Variants in RGS5 observed in about 807,000 individuals in gnomAD.
RGS5 encodes regulator of G protein signaling 5.
In RGS5, 20 loss-of-function variants were observed where a neutral mutation model predicts 18.9. That is an observed-to-expected ratio of 1.06 (90% CI 0.74 to 1.54). The LOEUF is 1.54. RGS5 is among the 40% of genes most tolerant of loss of function. The probability of loss-of-function intolerance (pLI) is 0.00; values close to 1 mark genes in which losing one functional copy is unlikely to be tolerated. For synonymous variants in RGS5, 57 were observed against 76.2 expected (o/e 0.75, Z 1.31); for missense variants, 201 against 211.8 (o/e 0.95, Z 0.32).
chr1:163,165,916 C>CA (rs59941784), intron 2 of RGS5, among the ~76,000 whole-genome samples: 23 of 62,174 alleles, frequency 3.7e-4, no homozygotes, highest in Admixed American at 7.5e-4. Context: ...AAAAAAAAAA[C>CA]AAAAAAAAAA....
chr1:163,206,259 G>T (rs893165490), upstream of RGS5, among the ~76,000 whole-genome samples: 4 of 151,082 alleles, frequency 2.6e-5, no homozygotes, highest in Admixed American at 6.6e-5. Context: ...CAGCTTCCAG[G>T]GCTGTGAGAA....
intron 3 of RGS5, among the ~76,000 whole-genome samples, chr1:163,157,083 T>G (rs1657612436): frequency 6.6e-6 from 1 of 152,166 alleles, no homozygotes; most frequent in Non-Finnish European, 1.5e-5. Flanking sequence ...GGATTCAGGC[T>G]CCTTCATTTC....
At chr1:163,272,387 G>C (rs1648745238) in intron 2 of RGS5, among the ~76,000 whole-genome samples, 1 of 151,882 alleles carries the variant, frequency 6.6e-6, no homozygotes, top group Admixed American at 6.6e-5. Flanking sequence ...GGTATCCTTT[G>C]AGGCACAAAA....
At chr1:163,152,520 C>T in intron 4 of RGS5, 30 bp downstream of exon 4, 2 of 1,593,158 alleles carry the variant, frequency 1.3e-6, no homozygotes, top group Non-Finnish European at 1.7e-6. Flanking sequence ...ATGAGCTGCC[C>T]TTAACTGACC....
intron 2 of RGS5, among the ~76,000 whole-genome samples, chr1:163,267,997 T>C (rs1338496156): frequency 6.6e-6 from 1 of 152,076 alleles, no homozygotes; most frequent in African/African-American, 2.4e-5. Context: ...CTGACCCAAC[T>C]GGTTTGCATT....
rs1657178103 is a variant in RGS5 at position 163,147,394 on chromosome 1, T to G, written c.494A>C (p.Asp165Ala). ...QKRIHALMEKDSLPRFVRSEF... is the reference protein window; with the variant it reads ...QKRIHALMEKASLPRFVRSEF... ...AGAGCGCACAAAGCGAGGCAGAGAA[T>G]CCTTTTCCATCAGGGCATGGATTCT... The change falls in exon 5 of 5, where the codon GAT becomes GCT. Residue 165 changes from aspartate (D) to alanine (A), a missense_variant. Asp to Ala is a moderately radical substitution (Grantham distance 126). Coordinates refer to ENST00000313961, the MANE Select transcript of RGS5 (RefSeq NM_003617.4). The G allele has an allele frequency of 1.2e-6, 2 of 1,612,548 alleles. No individual in the cohort carries two copies. The highest frequency in any genetic ancestry group is 1.1e-5 in the South Asian group (1 of 90,808).
At position 163,266,114 on chromosome 1, in the gene RGS5, C is replaced by T. The variant is rs531777560; in HGVS notation, c.-281+40119G>A. Reference sequence around the variant, plus strand: ...CTAATCTCCTACAGCACTGCCACCCCATCAACCTCAGAGGGATCTGCTCCT... The same window carrying T: ...CTAATCTCCTACAGCACTGCCACCCTATCAACCTCAGAGGGATCTGCTCCT... On this transcript the variant is annotated intron_variant, in intron 2 of 5. Transcript: ENST00000618415. Among the ~76,000 whole-genome samples the T allele has an allele frequency of 1.5e-4, 23 of 149,556 alleles. 1 individual carries two copies. In the South Asian group the frequency reaches 4.7e-3, roughly 31 times the overall value.
chr1:163,238,725 G>T, intron 2 of RGS5: 1 of 255,988 alleles, frequency 3.9e-6, no homozygotes, highest in East Asian at 1.1e-4. Flanking sequence ...ATCTTGATGT[G>T]GCTCCTTACA....
chr1:163,267,366 G>T (rs1648596803), intron 2 of RGS5: 1 of 152,100 alleles, frequency 6.6e-6, no homozygotes, highest in Non-Finnish European at 1.5e-5. Context: ...ATGTATGTTG[G>T]TTAAGCCACT....
At chr1:163,314,155 T>C (rs781480958) in intron 1 of RGS5, among the ~76,000 whole-genome samples, 1 of 152,156 alleles carries the variant, frequency 6.6e-6, no homozygotes. Flanking sequence ...ATCATTATTA[T>C]AAAATATTGT....
intron 1 of RGS5, among the ~76,000 whole-genome samples, chr1:163,318,429 T>G (rs1013023578): frequency 6.6e-6 from 1 of 152,014 alleles, no homozygotes; most frequent in African/African-American, 2.4e-5. Context: ...GTAGTAGTTA[T>G]GGCTGAAAGC....
At chr1:163,261,879 C>T (rs932631824) in intron 2 of RGS5, among the ~76,000 whole-genome samples, 2 of 149,612 alleles carry the variant, frequency 1.3e-5, no homozygotes, top group East Asian at 3.9e-4. Context: ...CTTTGCATTC[C>T]TATTTTTTTT....
At chr1:163,158,769 C>T (rs1284540091) in intron 3 of RGS5, among the ~76,000 whole-genome samples, 1 of 152,118 alleles carries the variant, frequency 6.6e-6, no homozygotes, top group Admixed American at 6.6e-5. Context: ...TTCGGGCACG[C>T]ATTGTCATTG....
At chr1:163,268,773 C>T (rs1333542836) in intron 2 of RGS5, among the ~76,000 whole-genome samples, 1 of 152,110 alleles carries the variant, frequency 6.6e-6, no homozygotes, top group African/African-American at 2.4e-5. Flanking sequence ...GGGCAATGCT[C>T]TCCCCTCTCT....
At chr1:163,313,316 C>A (rs1335736446) in intron 1 of RGS5, among the ~76,000 whole-genome samples, 1 of 152,154 alleles carries the variant, frequency 6.6e-6, no homozygotes, top group Non-Finnish European at 1.5e-5. Flanking sequence ...AGGAGAAAAT[C>A]TTCAGAAAAG....
chr1:163,155,686 T>C (rs1396528885), intron 3 of RGS5, among the ~76,000 whole-genome samples: 1 of 152,156 alleles, frequency 6.6e-6, no homozygotes, highest in Non-Finnish European at 1.5e-5. Flanking sequence ...AATGTCTCTA[T>C]TCTGCAAAGA....
chr1:163,311,120 C>T (rs895795990), intron 1 of RGS5, among the ~76,000 whole-genome samples: 1 of 152,186 alleles, frequency 6.6e-6, no homozygotes, highest in Non-Finnish European at 1.5e-5. Context: ...CCATAACACA[C>T]TTGTATGTTA....
At chr1:163,301,859 C>T (rs1007554539) in intron 2 of RGS5, among the ~76,000 whole-genome samples, 2 of 152,084 alleles carry the variant, frequency 1.3e-5, no homozygotes, top group African/African-American at 2.4e-5. Context: ...TCAAAAGATA[C>T]CCCAGCTTTT....
chr1:163,264,413 T>A lies in RGS5; in HGVS notation c.-281+41820A>T, dbSNP rs143977702. Among the ~76,000 whole-genome samples the A allele has an allele frequency of 5.3e-5, 8 of 152,296 alleles. No individual in the cohort carries two copies. The East Asian group carries it at 1.5e-3, about 29-fold the overall frequency. ...ATTGCGAAAATTAAGTGAAATCATA[T>A]CTGTGAATACCACACTGTAAACTCT... On this transcript the variant is annotated intron_variant, in intron 2 of 5. Transcript: ENST00000618415.
Sources: gnomAD v4.1 joint callset for allele counts (sites outside exome capture counted in the v4.1 genomes callset) on GRCh38, gnomAD v4.1.1 for gene constraint, MANE v1.5 for transcripts, NCBI Gene and HGNC (gene_info 2026-07-23, HGNC 2026-07-21) for gene names.